Variants in JPH4 observed in about 807,000 individuals in gnomAD.
The protein encoded by JPH4 is junctophilin-4.
A neutral mutation model predicts 57.6 loss-of-function variants in JPH4; 18 were observed. The observed-to-expected ratio is 0.31, with a 90% CI of 0.22 to 0.46. JPH4 has a LOEUF of 0.46. JPH4 is among the 20% of genes least tolerant of loss of function. The pLI, the probability that JPH4 is intolerant of heterozygous loss-of-function variation, is 1.00. For missense variants in JPH4, 727 were observed against 911.1 expected (o/e 0.80, Z 2.60); for synonymous variants, 425 against 406.6 (o/e 1.05, Z -0.54).
Position 23,571,001 on chromosome 14 carries a change from G to C in JPH4, c.1730C>G (p.Ser577Trp), listed in dbSNP as rs752956989. 3 of 1,558,408 alleles carry C rather than the reference G, an allele frequency of 1.9e-6. No individual in the cohort carries two copies. The highest frequency in any genetic ancestry group is 3.8e-5 in the Admixed American group (2 of 53,078). ...IAMLVLRGSS[S>W]RGPDAGCLTE... ...CAGGCACCCAGCATCAGGACCCCTCGAGGACGAGCCCCTCAGGACCAGCAT... is the reference window on the plus strand; with the variant it reads ...CAGGCACCCAGCATCAGGACCCCTCCAGGACGAGCCCCTCAGGACCAGCAT... Residue 577 changes from serine (S) to tryptophan (W), a missense_variant, in exon 5 of 6, where the codon TCG (serine) becomes TGG (tryptophan). By Grantham distance (177) the Ser-to-Trp change is radical. Coordinates refer to ENST00000356300, the MANE Select transcript of JPH4 (RefSeq NM_001146028.2). This position sits in a 1 kb window ranked among gnomAD's most constrained non-coding sequence, Gnocchi z 4.6.
Position 23,576,311 on chromosome 14 carries a change from CG to C in JPH4, c.524del (p.Pro175ArgfsTer74). The C allele has an allele frequency of 1.6e-6, 2 of 1,284,820 alleles. No homozygotes were observed. The highest frequency in any genetic ancestry group is 2.0e-6 in the Non-Finnish European group (2 of 1,017,926). 79.6% of individuals were successfully genotyped at this position (1,284,820 alleles called of 1,614,324 possible). A position where few individuals can be genotyped will look rare whatever the true frequency, so the allele number is the denominator to read the frequency against. On this transcript the variant is annotated frameshift_variant, in exon 3 of 6. Coordinates refer to ENST00000356300, the MANE Select transcript of JPH4 (RefSeq NM_001146028.2). LOFTEE classifies it high-confidence loss of function. The surrounding 1 kb of genome is among the most constrained non-coding windows in gnomAD (Gnocchi z 8.0). ...CCTCGTCGCCCGGCAAGGGCAGGGG[CG>C]GGGGTGGCGTCGGGGGGTCGCTGTG... is the stretch of plus-strand genomic sequence containing the variant. ...SGHSDPPTPP[P>X]PLPLPGDEGG...
Position 23,577,647 on chromosome 14 carries a change from G to A in JPH4, c.-171-23C>T, listed in dbSNP as rs1889308670. On this transcript the variant is annotated intron_variant, in intron 1 of 5. Coordinates refer to ENST00000356300, the MANE Select transcript of JPH4 (RefSeq NM_001146028.2). The surrounding 1 kb of genome is among the most constrained non-coding windows in gnomAD (Gnocchi z 8.4). ...TGGCTGCGGAGAAAGAGGGAGGGGG[G>A]CAAGTGGCGAGAGAGGCCCCTCCTC... 8 of 434,614 alleles carry A rather than the reference G, an allele frequency of 1.8e-5. No individual in the cohort carries two copies. In the Admixed American group the frequency reaches 3.1e-4, roughly 17 times the overall value. 26.9% of individuals were successfully genotyped at this position (434,614 alleles called of 1,614,324 possible). A position where few individuals can be genotyped will look rare whatever the true frequency, so the allele number is the denominator to read the frequency against.
At position 23,577,576 on chromosome 14, in the gene JPH4, G is replaced by C. The variant is rs889511824; in HGVS notation, c.-123C>G. ...GGGGGCAGTTAGACCGGGGCCGGGC[G>C]GGGGGGCCCCAGCGAGGGCAGGCAG... On this transcript the variant is annotated 5_prime_UTR_variant, in exon 2 of 6. Coordinates refer to ENST00000356300, the MANE Select transcript of JPH4 (RefSeq NM_001146028.2). The surrounding 1 kb of genome is among the most constrained non-coding windows in gnomAD (Gnocchi z 8.4). 5 of 794,086 alleles carry C rather than the reference G, an allele frequency of 6.3e-6. No individual in the cohort carries two copies. The highest frequency in any genetic ancestry group is 7.1e-6 in the Non-Finnish European group (4 of 561,070). 49.2% of individuals were successfully genotyped at this position (794,086 alleles called of 1,614,324 possible). A position where few individuals can be genotyped will look rare whatever the true frequency, so the allele number is the denominator to read the frequency against.
chr14:23,572,607 G>A (rs1037282792), intron 3 of JPH4, among the ~76,000 whole-genome samples: 4 of 151,776 alleles, frequency 2.6e-5, no homozygotes, highest in East Asian at 1.9e-4. Flanking sequence ...CCTATCTTGC[G>A]TTCCTTCAGC....
intron 3 of JPH4, among the ~76,000 whole-genome samples, chr14:23,574,365 G>A (rs1889224618): frequency 6.6e-6 from 1 of 152,026 alleles, no homozygotes; most frequent in Non-Finnish European, 1.5e-5. Context: ...AGTAGACAGG[G>A]TTTCCCATGT....
At chr14:23,572,299 C>T (rs758321873) in intron 3 of JPH4, among the ~76,000 whole-genome samples, 1 of 151,980 alleles carries the variant, frequency 6.6e-6, no homozygotes, top group Non-Finnish European at 1.5e-5. Flanking sequence ...TTAGCACATC[C>T]CCTGCAGTCC....
rs1247799074 is a variant in JPH4 at position 23,576,718 on chromosome 14, C to A, written c.380-262G>T. 6.6e-6 allele frequency among the ~76,000 whole-genome samples: 1 copy of A among 152,016 alleles called. No individual in the cohort carries two copies. On this transcript the variant is annotated intron_variant, in intron 2 of 5. Transcript: ENST00000356300. The surrounding 1 kb of genome is among the most constrained non-coding windows in gnomAD (Gnocchi z 8.0). ...GGGTAAACAGGGGAAACGGGGAGGGCCCGGCAGGCATGCGAAGGACAGGCT... is the reference window on the plus strand; with the variant it reads ...GGGTAAACAGGGGAAACGGGGAGGGACCGGCAGGCATGCGAAGGACAGGCT...
Position 23,577,528 on chromosome 14 carries a change from G to C in JPH4, c.-75C>G, listed in dbSNP as rs557898999. Reference sequence around the variant, plus strand: ...GACTGGAGAGCCTGCTGGGGGCCTTGGAGCCGGGCGAGGCCTCGGGGCGGG... The same window carrying C: ...GACTGGAGAGCCTGCTGGGGGCCTTCGAGCCGGGCGAGGCCTCGGGGCGGG... On this transcript the variant is annotated 5_prime_UTR_variant, in exon 2 of 6. Transcript: ENST00000356300. This position sits in a 1 kb window ranked among gnomAD's most constrained non-coding sequence, Gnocchi z 8.4. 1 of 1,289,634 alleles carries C rather than the reference G, an allele frequency of 7.8e-7. No homozygotes were observed. The highest frequency in any genetic ancestry group is 3.1e-5 in the East Asian group (1 of 32,148). 79.9% of individuals were successfully genotyped at this position (1,289,634 alleles called of 1,614,324 possible). A position where few individuals can be genotyped will look rare whatever the true frequency, so the allele number is the denominator to read the frequency against.
In JPH4 at chr14:23,576,204, C is replaced by A. The variant is rs1889269305; in HGVS notation, c.632G>T (p.Arg211Leu). The A allele has an allele frequency of 7.8e-6, 10 of 1,284,116 alleles. No individual in the cohort carries two copies. Among genetic ancestry groups the A allele is most frequent in the Non-Finnish European group, 8.9e-6 (9 of 1,016,654 alleles). 79.5% of individuals were successfully genotyped at this position (1,284,116 alleles called of 1,614,324 possible). ...GDADGASSRK[R>L]TPAAGGFFRR... ...AAAGAATCCGCCGGCCGCCGGAGTG[C>A]GCTTTCGGGACGACGCGCCGTCGGC... The change falls in exon 3 of 6, where the codon CGC becomes CTC. Residue 211 changes from arginine (R) to leucine (L), a missense_variant. Physicochemically the swap from Arg to Leu is moderately radical, Grantham distance 102. Coordinates refer to ENST00000356300, the MANE Select transcript of JPH4 (RefSeq NM_001146028.2). This position sits in a 1 kb window ranked among gnomAD's most constrained non-coding sequence, Gnocchi z 8.0.
rs986216789 is a variant in JPH4, at chr14:23,571,220, G to A, written c.1511C>T (p.Ala504Val). ...AWPEEWGGAG[A>V]QAEELAGYEA... Reference sequence around the variant, plus strand: ...ATAGCCAGCTAGTTCCTCTGCCTGTGCGCCTGCCCCCCCCCACTCCTCAGG... The same window carrying A: ...ATAGCCAGCTAGTTCCTCTGCCTGTACGCCTGCCCCCCCCCACTCCTCAGG... Residue 504 changes from alanine (A) to valine (V), a missense_variant, in exon 5 of 6, where the codon GCA (alanine) becomes GTA (valine). By Grantham distance (64) the Ala-to-Val change is moderately conservative. Transcript: ENST00000356300. The surrounding 1 kb of genome is among the most constrained non-coding windows in gnomAD (Gnocchi z 4.6). The A allele has an allele frequency of 3.1e-6, 5 of 1,613,076 alleles. No individual in the cohort carries two copies. The highest frequency in any genetic ancestry group is 2.7e-5 in the African/African-American group (2 of 74,884).
In JPH4 at chr14:23,569,609, G is replaced by A; in HGVS notation, c.*25C>T. ...AGGGGTGAAGAGGCACGCAACCAAA[G>A]CCAGAACCAGGCCAGGAAGTAGCCT... is the stretch of plus-strand genomic sequence containing the variant. On this transcript the variant is annotated 3_prime_UTR_variant, in exon 6 of 6. Transcript: ENST00000356300. The surrounding 1 kb of genome is among the most constrained non-coding windows in gnomAD (Gnocchi z 4.8). 6.5e-7 allele frequency: 1 copy of A among 1,538,258 alleles called. No individual in the cohort carries two copies. Among genetic ancestry groups the A allele is most frequent in the Non-Finnish European group, 8.8e-7 (1 of 1,134,704 alleles).
At chr14:23,573,457 C>A (rs935440261) in intron 3 of JPH4, among the ~76,000 whole-genome samples, 1 of 152,240 alleles carries the variant, frequency 6.6e-6, no homozygotes, top group South Asian at 2.1e-4. Flanking sequence ...GAGCCGTGAG[C>A]GTGAGGATCA....
intron 3 of JPH4, among the ~76,000 whole-genome samples, chr14:23,572,632 C>G (rs769360034): frequency 5.3e-5 from 8 of 152,108 alleles, no homozygotes; most frequent in Non-Finnish European, 8.8e-5. Context: ...TCTGTTATGA[C>G]ACTGTTCTTC....
Position 23,575,506 on chromosome 14 carries a change from A to T in JPH4, c.1151+179T>A. 1 of 713,182 alleles carries T rather than the reference A, an allele frequency of 1.4e-6. No homozygotes were observed. Among genetic ancestry groups the T allele is most frequent in the Non-Finnish European group, 2.3e-6 (1 of 436,026 alleles). The allele number at this position is 713,182 out of a possible 1,614,324, so 44.2% of individuals were successfully genotyped here. On this transcript the variant is annotated intron_variant, in intron 3 of 5. Coordinates refer to ENST00000356300, the MANE Select transcript of JPH4 (RefSeq NM_001146028.2). The surrounding 1 kb of genome is among the most constrained non-coding windows in gnomAD (Gnocchi z 6.9). Reference sequence around the variant, plus strand: ...GCTATCCAGAGTTACACCCACATCCACCTGTAGCCTCGGATATAAACACCA... The same window carrying T: ...GCTATCCAGAGTTACACCCACATCCTCCTGTAGCCTCGGATATAAACACCA...
Sources: allele counts gnomAD v4.1 joint callset (sites outside exome capture counted in the v4.1 genomes callset), GRCh38; gene constraint gnomAD v4.1.1; non-coding constraint Gnocchi (gnomAD v3.1); transcripts MANE v1.5; gene names NCBI Gene and HGNC (gene_info 2026-07-23, HGNC 2026-07-21).